The following AP4E1 variants were observed in gnomAD, a reference collection of about 807,000 sequenced individuals.
AP4E1 encodes the protein AP-4 complex subunit epsilon-1.
In AP4E1, 56 loss-of-function variants were observed where a neutral mutation model predicts 128.2. The ratio of observed to expected loss-of-function variants is 0.44; its 90% CI spans 0.35 to 0.55. The LOEUF (loss-of-function observed/expected upper bound fraction) is 0.55. Among genes scored for constraint, AP4E1 ranks in the 20% least tolerant of loss-of-function variants. The probability of loss-of-function intolerance (pLI) is 0.00; values close to 1 mark genes in which losing one functional copy is unlikely to be tolerated. For missense variants in AP4E1, 1,324 were observed against 1,307.7 expected, an observed-to-expected ratio of 1.01 and a Z score of -0.19; for synonymous variants, 484 against 473.1, an observed-to-expected ratio of 1.02 and a Z score of -0.30.
rs564255963 is a variant in AP4E1 at position 51,000,329 on chromosome 15, T to G, written c.3096-697T>G. Among the ~76,000 whole-genome samples the G allele has an allele frequency of 2.8e-4, 42 of 152,026 alleles. No homozygotes were observed. In the South Asian group the frequency reaches 8.5e-3, roughly 31 times the overall value. ...CTAATTTTTGTGTTTTTTGTAGAGA[T>G]AGGGTTTTGCCATGTTGCTCAGGCT... On this transcript the variant is annotated intron_variant, in intron 19 of 20. Transcript: ENST00000261842.
rs762146194 is a variant in AP4E1 at position 50,993,437 on chromosome 15, G to C, written c.2158G>C (p.Glu720Gln). ...GAAAGAAGGCTATCTTCCCAAGAAG[G>C]AAAGCAAAACTGGTGATGAAAGTGG... ...WGKEGYLPKK[E>Q]SKTGDESGAL... Residue 720 changes from glutamate (E) to glutamine (Q), a missense_variant, in exon 17 of 21, where the codon GAA becomes CAA. Transcript: ENST00000261842. 6.2e-7 allele frequency: 1 copy of C among 1,613,986 alleles called. No individual in the cohort carries two copies. The highest frequency in any genetic ancestry group is 1.7e-5 in the Admixed American group (1 of 59,996).
intron 11 of AP4E1, among the ~76,000 whole-genome samples, chr15:50,948,583 T>C (rs1206123374): frequency 6.6e-6 from 1 of 152,164 alleles, no homozygotes; most frequent in African/African-American, 2.4e-5. Context: ...AGTTAAGTAG[T>C]TGGGAACTCT....
At chr15:50,928,275 G>A (rs2063791599) in intron 5 of AP4E1, among the ~76,000 whole-genome samples, 1 of 151,938 alleles carries the variant, frequency 6.6e-6, no homozygotes, top group Admixed American at 6.6e-5. Flanking sequence ...GAATGTTAAC[G>A]AGTTTTTTTT....
chr15:50,951,493 C>T (rs2064149288), intron 13 of AP4E1, among the ~76,000 whole-genome samples: 1 of 151,990 alleles, frequency 6.6e-6, no homozygotes, highest in South Asian at 2.1e-4. Flanking sequence ...CAGGTCATTA[C>T]CTTTATGTAT....
At position 50,929,525 on chromosome 15, in the gene AP4E1, G is replaced by T. The variant is rs192187670; in HGVS notation, c.702+357G>T. On this transcript the variant is annotated intron_variant, in intron 6 of 20. Coordinates refer to ENST00000261842, the MANE Select transcript of AP4E1 (RefSeq NM_007347.5). Reference sequence around the variant, plus strand: ...TTATAGAAATGAGGAAAACCAGCGGGGGTTGTGCAAGCTATAGATTGTAGT... The same window carrying T: ...TTATAGAAATGAGGAAAACCAGCGGTGGTTGTGCAAGCTATAGATTGTAGT... Among the ~76,000 whole-genome samples the T allele has an allele frequency of 1.2e-3, 187 of 151,940 alleles. 1 individual carries two copies. Among genetic ancestry groups the T allele is most frequent in the African/African-American group, 4.2e-3 (175 of 41,436 alleles).
chr15:50,993,682 A>C, intron 17 of AP4E1, 57 bp downstream of exon 17: 1 of 1,608,482 alleles, frequency 6.2e-7, no homozygotes, highest in South Asian at 1.1e-5. Context: ...TACAAAAAAA[A>C]CTGGCTCTAT....
At chr15:50,972,152 G>A (rs1320957405) in intron 15 of AP4E1, among the ~76,000 whole-genome samples, 15 of 152,084 alleles carry the variant, frequency 9.9e-5, no homozygotes. Flanking sequence ...ATGTTCAGTA[G>A]GGTACTAAGG....
intron 17 of AP4E1, among the ~76,000 whole-genome samples, chr15:50,996,263 G>T (rs758523497): frequency 6.6e-5 from 10 of 150,580 alleles, no homozygotes; most frequent in Non-Finnish European, 1.0e-4. Flanking sequence ...CTCCCAATGT[G>T]CTGGGATTAC....
chr15:50,969,037 G>A (rs916973787), intron 15 of AP4E1, among the ~76,000 whole-genome samples: 13 of 151,172 alleles, frequency 8.6e-5, no homozygotes, highest in African/African-American at 1.7e-4. Context: ...TAAGTTCAGG[G>A]GTACAAGTGC....
rs747204268 is a variant in AP4E1, at chr15:50,993,405, T to G, written c.2126T>G (p.Leu709Trp). 7 of 1,613,908 alleles carry G rather than the reference T, an allele frequency of 4.3e-6. No individual in the cohort carries two copies. Among genetic ancestry groups the G allele is most frequent in the South Asian group, 3.3e-5 (3 of 91,080 alleles). The change falls in exon 17 of 21, where the codon TTG (leucine) becomes TGG (tryptophan). Residue 709 changes from leucine to tryptophan, a missense_variant. Leu to Trp is a moderately conservative substitution (Grantham distance 61). Coordinates refer to ENST00000261842, the MANE Select transcript of AP4E1 (RefSeq NM_007347.5). ...TTGAAGCTGGAAGGTATAAAGAAAT[T>G]GTGGGGGAAAGAAGGCTATCTTCCC... ...NSLKLEGIKK[L>W]WGKEGYLPKK...
At chr15:50,942,504 AATAG>A (rs1230345039) in intron 10 of AP4E1, among the ~76,000 whole-genome samples, 4 of 151,752 alleles carry the variant, frequency 2.6e-5, no homozygotes, top group African/African-American at 4.8e-5. Flanking sequence ...TTTCCTACCA[AATAG>A]ATAGAAATAT....
intron 7 of AP4E1, among the ~76,000 whole-genome samples, chr15:50,932,180 T>C (rs1017159682): frequency 2.6e-5 from 4 of 152,104 alleles, no homozygotes; most frequent in African/African-American, 9.7e-5. Flanking sequence ...GATTTCACCA[T>C]GTTGGCCAGG....
chr15:50,989,588 G>A (rs769723316), intron 16 of AP4E1, among the ~76,000 whole-genome samples: 2 of 151,658 alleles, frequency 1.3e-5, no homozygotes, highest in Non-Finnish European at 2.9e-5. Flanking sequence ...GTGGGCATTT[G>A]ATGATGGAGG....
intron 13 of AP4E1, among the ~76,000 whole-genome samples, chr15:50,953,680 A>T (rs1330118571): frequency 6.6e-6 from 1 of 152,234 alleles, no homozygotes; most frequent in African/African-American, 2.4e-5. Context: ...AAGAGTTGCG[A>T]TGCTGGCAAT....
At chr15:50,948,605 A>T (rs1440630671) in intron 11 of AP4E1, among the ~76,000 whole-genome samples, 1 of 152,022 alleles carries the variant, frequency 6.6e-6, no homozygotes, top group Non-Finnish European at 1.5e-5. Context: ...TTAACATGTT[A>T]CTCTTCTTCA....
intron 3 of AP4E1, among the ~76,000 whole-genome samples, chr15:50,918,981 C>A (rs1844503095): frequency 6.6e-6 from 1 of 152,108 alleles, no homozygotes; most frequent in Non-Finnish European, 1.5e-5. Flanking sequence ...GTAATCCCAG[C>A]ACTTTGAGAG....
chr15:50,936,896 T>C (rs150177664), intron 8 of AP4E1, among the ~76,000 whole-genome samples: 1 of 152,104 alleles, frequency 6.6e-6, no homozygotes, highest in East Asian at 1.9e-4. Context: ...GCCAAGATCA[T>C]GCCACTGCAC....
At chr15:50,916,150 G>T (rs781225388) in intron 3 of AP4E1, among the ~76,000 whole-genome samples, 17 of 151,982 alleles carry the variant, frequency 1.1e-4, no homozygotes, top group Admixed American at 2.6e-4. Flanking sequence ...GGCTGGTCTT[G>T]AACTCCTGGG....
In AP4E1 at chr15:50,908,716, C is replaced by G. The variant is rs2063526582; in HGVS notation, c.-63C>G. On this transcript the variant is annotated 5_prime_UTR_variant, in exon 1 of 21. Transcript: ENST00000261842. ...CGGAGGCCGGGCCGGCAGCGGCGGC[C>G]GGGCATGAAGCCGGGCGGCTACGGG... 2 of 1,406,204 alleles carry G rather than the reference C, an allele frequency of 1.4e-6. No individual in the cohort carries two copies. Among genetic ancestry groups the G allele is most frequent in the East Asian group, 2.9e-5 (1 of 34,266 alleles). The allele number at this position is 1,406,204 out of a possible 1,614,324, so 87.1% of individuals were successfully genotyped here.
Sources: gnomAD v4.1 joint callset for allele counts (sites outside exome capture counted in the v4.1 genomes callset) on GRCh38, gnomAD v4.1.1 for gene constraint, MANE v1.5 for transcripts, NCBI Gene and HGNC (gene_info 2026-07-23, HGNC 2026-07-21) for gene names.